APP: variants seen among roughly 807,000 people sequenced by gnomAD.
APP encodes the protein amyloid-beta precursor protein.
APP carries 31 observed loss-of-function variants against 101.4 expected under a neutral mutation model. The observed-to-expected ratio is 0.31, with a 90% CI of 0.23 to 0.41. The LOEUF (loss-of-function observed/expected upper bound fraction) is 0.41. Among genes scored for constraint, APP ranks in the 10% least tolerant of loss-of-function variants. The probability of loss-of-function intolerance (pLI) is 1.00; values close to 1 mark genes in which losing one functional copy is unlikely to be tolerated. For synonymous variants in APP, 366 were observed against 364.4 expected (o/e 1.00, Z -0.05); for missense variants, 839 against 1,003.7 (o/e 0.84, Z 2.22).
In APP at chr21:25,914,543, A is replaced by T. The variant is rs557655418; in HGVS notation, c.1688-2581T>A. 9.0e-5 allele frequency among the ~76,000 whole-genome samples: 13 copies of T among 144,526 alleles called. No homozygotes were observed. In the East Asian group the frequency reaches 2.6e-3, roughly 29 times the overall value. The allele number at this position is 144,526 out of a possible 152,430, so 94.8% of individuals were successfully genotyped here. ...GCTGCCTCTGGAGGATGCAGCCACAAGGCGCCTTTTTTTTTTTTTTTTTTT... is the reference window on the plus strand; with the variant it reads ...GCTGCCTCTGGAGGATGCAGCCACATGGCGCCTTTTTTTTTTTTTTTTTTT... On this transcript the variant is annotated intron_variant, in intron 13 of 17. Coordinates refer to ENST00000346798, the MANE Select transcript of APP (RefSeq NM_000484.4).
chr21:25,899,088 A>G (rs1370702224), intron 15 of APP, among the ~76,000 whole-genome samples: 2 of 152,188 alleles, frequency 1.3e-5, no homozygotes, highest in East Asian at 1.9e-4. Context: ...CCTATTTGAA[A>G]AGAGACCCAC....
At chr21:25,917,425 T>G (rs1480144832) in intron 13 of APP, among the ~76,000 whole-genome samples, 2 of 152,190 alleles carry the variant, frequency 1.3e-5, no homozygotes, top group African/African-American at 4.8e-5. Context: ...TTGTTTTTTC[T>G]TAGATATTCA....
chr21:26,022,351 A>AG (rs1488875156), intron 5 of APP, among the ~76,000 whole-genome samples: 1 of 152,178 alleles, frequency 6.6e-6, no homozygotes. Flanking sequence ...GGAGTGGGGA[A>AG]GGGATGAATA....
In APP at chr21:25,940,905, A is replaced by G. The variant is rs534176057; in HGVS notation, c.1687+13685T>C. 2.6e-5 allele frequency among the ~76,000 whole-genome samples: 4 copies of G among 152,292 alleles called. No homozygotes were observed. The East Asian group carries it at 7.7e-4, about 29-fold the overall frequency. On this transcript the variant is annotated intron_variant, in intron 13 of 17. Coordinates refer to ENST00000346798, the MANE Select transcript of APP (RefSeq NM_000484.4). ...CAGGAGGTCAGGGGTGGGATCATGG[A>G]ATGTGCTTTTCCAACAAGTTCCCAG...
In APP at chr21:26,034,648, AAG is replaced by A. The variant is rs1491306627; in HGVS notation, c.663-12608_663-12607del. On this transcript the variant is annotated intron_variant, in intron 5 of 17. Coordinates refer to ENST00000346798, the MANE Select transcript of APP (RefSeq NM_000484.4). ...CAGAGCAAGACTTCTCAAAAAAAAA[AAG>A]AAAAAGAAAAAGAAAAAAAGAAAAG... 6.0e-4 allele frequency among the ~76,000 whole-genome samples: 79 copies of A among 131,382 alleles called. 4 individuals are homozygous for A. The highest frequency in any genetic ancestry group is 1.0e-3 in the South Asian group (4 of 3,884). The allele number at this position is 131,382 out of a possible 152,430, so 86.2% of individuals were successfully genotyped here.
At chr21:26,167,649 C>T (rs896049996) in intron 1 of APP, among the ~76,000 whole-genome samples, 3 of 152,220 alleles carry the variant, frequency 2.0e-5, no homozygotes, top group Admixed American at 2.0e-4. Context: ...CTCTCCCATT[C>T]CTTCAAACCA....
At chr21:26,082,147 AAGTGGAGGTTGC>A (rs2061611379) in intron 3 of APP, among the ~76,000 whole-genome samples, 1 of 152,144 alleles carries the variant, frequency 6.6e-6, no homozygotes, top group Non-Finnish European at 1.5e-5. Flanking sequence ...TGATCCCAGG[AAGTGGAGGTTGC>A]AGTGAGCCGA....
intron 17 of APP, among the ~76,000 whole-genome samples, chr21:25,890,718 G>A (rs1019158801): frequency 7.4e-5 from 3 of 40,580 alleles, no homozygotes; most frequent in African/African-American, 3.6e-4. Context: ...GCGCGAGACT[G>A]TCTCAAAAAA....
At chr21:26,018,886 C>T (rs554393029) in intron 6 of APP, among the ~76,000 whole-genome samples, 2 of 152,144 alleles carry the variant, frequency 1.3e-5, no homozygotes, top group African/African-American at 2.4e-5. Flanking sequence ...TAACTGCCTT[C>T]GTCTTTCTAC....
intron 5 of APP, among the ~76,000 whole-genome samples, chr21:26,032,641 G>A (rs909208574): frequency 2.0e-5 from 3 of 152,146 alleles, no homozygotes; most frequent in African/African-American, 4.8e-5. Flanking sequence ...CATGATAAGA[G>A]TTAAATACTG....
intron 1 of APP, among the ~76,000 whole-genome samples, chr21:26,126,194 C>T (rs2062680332): frequency 6.6e-6 from 1 of 152,160 alleles, no homozygotes; most frequent in African/African-American, 2.4e-5. Flanking sequence ...AAACAGATAA[C>T]ATCACATAGA....
intron 15 of APP, among the ~76,000 whole-genome samples, chr21:25,899,784 G>A (rs765636652): frequency 6.6e-6 from 1 of 152,120 alleles, no homozygotes; most frequent in South Asian, 2.1e-4. Flanking sequence ...AAATTCTCGC[G>A]TTATTTGCTA....
At chr21:25,932,605 T>C (rs561092038) in intron 13 of APP, among the ~76,000 whole-genome samples, 15 of 152,352 alleles carry the variant, frequency 9.8e-5, no homozygotes, top group African/African-American at 3.6e-4. Context: ...TCTGAGTCTT[T>C]GTTGAAAATT....
chr21:25,890,798 C>G (rs1179048429), intron 17 of APP, among the ~76,000 whole-genome samples: 1 of 151,354 alleles, frequency 6.6e-6, no homozygotes, highest in East Asian at 1.9e-4. Context: ...TAATTTGAAC[C>G]CTTCTGTCTC....
At chr21:26,140,229 C>T in intron 1 of APP, 1 of 1,536,092 alleles carries the variant, frequency 6.5e-7, no homozygotes, top group Non-Finnish European at 8.7e-7. Flanking sequence ...CAATCATTGT[C>T]AATTACATCA....
intron 11 of APP, among the ~76,000 whole-genome samples, chr21:25,963,261 C>T (rs1568769353): frequency 6.6e-6 from 1 of 152,190 alleles, no homozygotes; most frequent in South Asian, 2.1e-4. Flanking sequence ...ATGCCAGTCA[C>T]GTCTGAATAT....
At chr21:26,046,754 G>A (rs3787644) in intron 5 of APP, among the ~76,000 whole-genome samples, 49,386 of 151,922 alleles carry the variant, frequency 0.33, 8,142 homozygotes, top group South Asian at 0.38. Flanking sequence ...TTTGCTTTAC[G>A]AATTCAGCAA....
intron 8 of APP, among the ~76,000 whole-genome samples, chr21:25,988,407 A>G (rs1048965867): frequency 1.3e-5 from 2 of 152,186 alleles, no homozygotes; most frequent in African/African-American, 4.8e-5. Flanking sequence ...AGATCTTTTA[A>G]GAGGAAAAGA....
intron 2 of APP, among the ~76,000 whole-genome samples, chr21:26,107,604 C>T (rs561699819): frequency 3.9e-5 from 6 of 152,302 alleles, no homozygotes; most frequent in East Asian, 1.9e-4. Flanking sequence ...CATGGGGAAT[C>T]GTCTCTCTTT....
Sources: gnomAD v4.1 joint callset for allele counts (sites outside exome capture counted in the v4.1 genomes callset) on GRCh38, gnomAD v4.1.1 for gene constraint, MANE v1.5 for transcripts, NCBI Gene and HGNC (gene_info 2026-07-23, HGNC 2026-07-21) for gene names.